PDIA5: variants seen among roughly 807,000 people sequenced by gnomAD.
PDIA5 encodes protein disulfide-isomerase A5.
In PDIA5, 58 loss-of-function variants were observed where a neutral mutation model predicts 77.6. The ratio of observed to expected loss-of-function variants is 0.75; its 90% CI spans 0.61 to 0.93. PDIA5 has a LOEUF of 0.93. Among genes scored for constraint, PDIA5 ranks in the 40% least tolerant of loss-of-function variants. The pLI is 0.00. For synonymous variants in PDIA5, 250 were observed against 252.1 expected, an observed-to-expected ratio of 0.99 and a Z score of 0.08; for missense variants, 630 against 647.7, an observed-to-expected ratio of 0.97 and a Z score of 0.30.
intron 11 of PDIA5, among the ~76,000 whole-genome samples, chr3:123,131,488 A>T (rs1415870645): frequency 6.6e-6 from 1 of 151,162 alleles, no homozygotes. Context: ...CTAGGGCAGT[A>T]GTCACCTCTT....
chr3:123,110,912 C>T (rs374288912), intron 6 of PDIA5, 32 bp from the exon 7 acceptor site: 20 of 1,578,194 alleles, frequency 1.3e-5, no homozygotes, highest in African/African-American at 1.1e-4. Context: ...GTGTTGTGTG[C>T]GAGCTGCTGG....
chr3:123,119,692 C>G (rs1935063110), intron 8 of PDIA5, among the ~76,000 whole-genome samples: 2 of 152,200 alleles, frequency 1.3e-5, no homozygotes, highest in African/African-American at 2.4e-5. Context: ...TTTGTCTTCA[C>G]ACACAGAAAA....
chr3:123,150,345 GGTC>G lies in PDIA5; in HGVS notation c.1255_1257del (p.Val419del), dbSNP rs1935862310. ...CCCTGAAGAAGAAGAAACACACCTT[GGTC>G]ATGTTCTACGCCCCTTGTAAGTAGC... On this transcript the variant is annotated inframe_deletion, in exon 14 of 17. Coordinates refer to ENST00000316218, the MANE Select transcript of PDIA5 (RefSeq NM_006810.4). 2 of 1,613,766 alleles carry G rather than the reference GGTC, an allele frequency of 1.2e-6. No individual in the cohort carries two copies. Among genetic ancestry groups the G allele is most frequent in the Admixed American group, 1.7e-5 (1 of 59,962 alleles).
intron 15 of PDIA5, among the ~76,000 whole-genome samples, chr3:123,157,283 A>G (rs1936042972): frequency 6.6e-6 from 1 of 151,972 alleles, no homozygotes; most frequent in African/African-American, 2.4e-5. Flanking sequence ...ACTGGTGCCC[A>G]CTCTGTGCTC....
chr3:123,094,857 G>C (rs937568496), intron 3 of PDIA5, among the ~76,000 whole-genome samples: 1 of 152,192 alleles, frequency 6.6e-6, no homozygotes, highest in Non-Finnish European at 1.5e-5. Context: ...GCCCACGAAG[G>C]GTTGGTGGCT....
chr3:123,092,403 C>G lies in PDIA5; in HGVS notation c.218C>G (p.Ala73Gly). 1 of 1,613,688 alleles carries G rather than the reference C, an allele frequency of 6.2e-7. No homozygotes were observed. The highest frequency in any genetic ancestry group is 8.5e-7 in the Non-Finnish European group (1 of 1,179,786). The stretch of plus-strand genomic sequence containing the variant: ...AGGTTACTGTCCACAGTGGCCCAGG[C>G]GGTGAAAGGACAAGGGACCATCTGC... ...HLRLLSTVAQ[A>G]VKGQGTICWV... The change falls in exon 3 of 17, where the codon GCG becomes GGG. Residue 73 changes from alanine (A) to glycine (G), a missense_variant. Ala to Gly is a moderately conservative substitution (Grantham distance 60, BLOSUM62 0). Coordinates refer to ENST00000316218, the MANE Select transcript of PDIA5 (RefSeq NM_006810.4).
At chr3:123,112,234 C>G (rs1934880096) in intron 7 of PDIA5, among the ~76,000 whole-genome samples, 1 of 152,164 alleles carries the variant, frequency 6.6e-6, no homozygotes, top group Non-Finnish European at 1.5e-5. Flanking sequence ...TCAGTGTTTC[C>G]CTGAAGGCTG....
intron 1 of PDIA5, among the ~76,000 whole-genome samples, chr3:123,079,398 T>A (rs1478435295): frequency 6.6e-6 from 1 of 152,152 alleles, no homozygotes; most frequent in Non-Finnish European, 1.5e-5. Flanking sequence ...GCCAGGATGG[T>A]CTCGATCTCC....
chr3:123,067,128 G>C lies in PDIA5; in HGVS notation c.-37G>C. The stretch of plus-strand genomic sequence containing the variant: ...CGGGCGGGCGGGAGCGGGCGCCGGA[G>C]TGGAGAAAGGAGCCAGCGGTGGGCA... On this transcript the variant is annotated 5_prime_UTR_variant, in exon 1 of 17. Transcript: ENST00000316218. 1 of 1,241,824 alleles carries C rather than the reference G, an allele frequency of 8.1e-7. No homozygotes were observed. Among genetic ancestry groups the C allele is most frequent in the Non-Finnish European group, 1.0e-6 (1 of 990,018 alleles). 76.9% of individuals were successfully genotyped at this position (1,241,824 alleles called of 1,614,324 possible). A position where few individuals can be genotyped will look rare whatever the true frequency, so the allele number is the denominator to read the frequency against.
At chr3:123,152,813 T>G (rs1935942275) in intron 14 of PDIA5, among the ~76,000 whole-genome samples, 1 of 152,206 alleles carries the variant, frequency 6.6e-6, no homozygotes, top group Non-Finnish European at 1.5e-5. Context: ...ATTGTTCCTT[T>G]TACGCTGAAT....
intron 3 of PDIA5, among the ~76,000 whole-genome samples, chr3:123,098,417 T>TGTCTCGA (rs922524724): frequency 2.0e-5 from 3 of 152,148 alleles, no homozygotes; most frequent in Admixed American, 6.5e-5. Flanking sequence ...CCCAGGAGTG[T>TGTCTCGA]GTCTCGAGTC....
At chr3:123,149,979 G>A (rs1877262) in intron 13 of PDIA5, among the ~76,000 whole-genome samples, 82,083 of 152,076 alleles carry the variant, frequency 0.54, 22,515 homozygotes, top group East Asian at 0.83. Context: ...GCCCTGACCT[G>A]AAATGGTGTC....
chr3:123,132,487 C>A (rs1025662455), intron 11 of PDIA5, among the ~76,000 whole-genome samples: 11 of 152,326 alleles, frequency 7.2e-5, no homozygotes, highest in African/African-American at 2.4e-4. Context: ...CAAAACAAGC[C>A]CCCAAAACTA....
chr3:123,085,614 A>T (rs1459617413), intron 1 of PDIA5, among the ~76,000 whole-genome samples: 1 of 152,008 alleles, frequency 6.6e-6, no homozygotes, highest in Non-Finnish European at 1.5e-5. Flanking sequence ...TCTTGTACAC[A>T]CTTTGTTGTC....
At chr3:123,111,873 GT>G in intron 7 of PDIA5, among the ~76,000 whole-genome samples, 1 of 152,090 alleles carries the variant, frequency 6.6e-6, no homozygotes, top group Admixed American at 6.5e-5. Flanking sequence ...TTTCTGTTCT[GT>G]TTTTTTAAAA....
chr3:123,136,197 G>A (rs958843237), intron 11 of PDIA5, among the ~76,000 whole-genome samples: 6 of 152,114 alleles, frequency 3.9e-5, no homozygotes, highest in Non-Finnish European at 8.8e-5. Flanking sequence ...GGCCTCCCAA[G>A]CAGCTGGGAT....
intron 8 of PDIA5, among the ~76,000 whole-genome samples, chr3:123,118,067 A>G (rs1346301620): frequency 6.6e-6 from 1 of 152,216 alleles, no homozygotes; most frequent in African/African-American, 2.4e-5. Flanking sequence ...AAGTCAACTT[A>G]AAAAGTTTAA....
intron 15 of PDIA5, among the ~76,000 whole-genome samples, chr3:123,155,437 G>C (rs1202220320): frequency 6.6e-6 from 1 of 152,170 alleles, no homozygotes; most frequent in Non-Finnish European, 1.5e-5. Context: ...CATGTCAGTG[G>C]AGCCTCGCCC....
At chr3:123,114,321 C>G (rs772319788) in intron 7 of PDIA5, among the ~76,000 whole-genome samples, 12 of 152,130 alleles carry the variant, frequency 7.9e-5, no homozygotes, top group Non-Finnish European at 1.5e-4. Context: ...CAGCGACATC[C>G]TCTTCCCTCA....
Sources: allele counts gnomAD v4.1 joint callset (sites outside exome capture counted in the v4.1 genomes callset), GRCh38; gene constraint gnomAD v4.1.1; transcripts MANE v1.5; gene names NCBI Gene and HGNC (gene_info 2026-07-23, HGNC 2026-07-21).